The following KAZN variants were observed in gnomAD, a reference collection of about 807,000 sequenced individuals.
KAZN encodes kazrin.
In KAZN, 40 loss-of-function variants were observed where a neutral mutation model predicts 87.4. The ratio of observed to expected loss-of-function variants is 0.46; its 90% CI spans 0.36 to 0.60. The LOEUF is 0.60. KAZN is among the 20% of genes least tolerant of loss of function. The pLI is 0.00. For missense variants in KAZN, 898 were observed against 1,073.9 expected (o/e 0.84, Z 2.29); for synonymous variants, 466 against 458.3 (o/e 1.02, Z -0.22).
chr1:13,955,726 A>G (rs1320872715), intron 1 of KAZN, among the ~76,000 whole-genome samples: 1 of 152,206 alleles, frequency 6.6e-6, no homozygotes, highest in Non-Finnish European at 1.5e-5. Flanking sequence ...AAAATTCTCT[A>G]CTATTAGATC....
intron 8 of KAZN, among the ~76,000 whole-genome samples, chr1:15,088,883 C>A (rs970881259): frequency 2.0e-5 from 3 of 151,968 alleles, no homozygotes; most frequent in South Asian, 2.1e-4. Context: ...ATTCCTAGGG[C>A]CTGGACTCCA....
intron 8 of KAZN, among the ~76,000 whole-genome samples, chr1:15,084,401 C>T (rs534342323): frequency 1.1e-4 from 16 of 152,304 alleles, no homozygotes; most frequent in African/African-American, 3.9e-4. Context: ...GAAGGGCCTC[C>T]CTCTACAAAA....
chr1:15,101,084 G>A (rs1037659106), intron 10 of KAZN, among the ~76,000 whole-genome samples: 28 of 152,072 alleles, frequency 1.8e-4, no homozygotes, highest in African/African-American at 4.6e-4. Context: ...CCCTCGCTGC[G>A]TCTGAGTGTG....
At chr1:14,970,091 G>A (rs558659069) in intron 2 of KAZN, among the ~76,000 whole-genome samples, 5 of 152,288 alleles carry the variant, frequency 3.3e-5, no homozygotes, top group African/African-American at 1.2e-4. Flanking sequence ...TGGGATTATA[G>A]GCATGAGCCA....
intron 1 of KAZN, among the ~76,000 whole-genome samples, chr1:14,681,858 ATTT>A (rs1425588313): frequency 6.7e-6 from 1 of 149,120 alleles, no homozygotes; most frequent in Non-Finnish European, 1.5e-5. Flanking sequence ...CACCCAGCTA[ATTT>A]TTTGTATTTT....
intron 1 of KAZN, among the ~76,000 whole-genome samples, chr1:14,685,791 T>C (rs1640918306): frequency 6.6e-6 from 1 of 152,232 alleles, no homozygotes; most frequent in African/African-American, 2.4e-5. Context: ...GAAAGAGTAG[T>C]TGTTTCTCAC....
chr1:14,414,646 T>A (rs150280561), intron 2 of KAZN, among the ~76,000 whole-genome samples: 1 of 152,252 alleles, frequency 6.6e-6, no homozygotes. Flanking sequence ...GTGTGTGTTA[T>A]ACGTATGTAG....
At chr1:14,806,436 T>C (rs1646224984) in intron 1 of KAZN, among the ~76,000 whole-genome samples, 1 of 152,202 alleles carries the variant, frequency 6.6e-6, no homozygotes, top group Non-Finnish European at 1.5e-5. Context: ...GAATTATGCT[T>C]GAAGCCAATC....
At chr1:15,095,336 C>T (rs1445190985) in intron 10 of KAZN, among the ~76,000 whole-genome samples, 5 of 152,178 alleles carry the variant, frequency 3.3e-5, no homozygotes, top group South Asian at 2.1e-4. Flanking sequence ...AAGGCAGAGC[C>T]GAGGCAGGCA....
At chr1:14,876,729 C>T (rs763376868) in intron 1 of KAZN, among the ~76,000 whole-genome samples, 7 of 152,170 alleles carry the variant, frequency 4.6e-5, no homozygotes, top group Admixed American at 2.0e-4. Context: ...GAGTAATCTA[C>T]GTAAAACACT....
intron 1 of KAZN, among the ~76,000 whole-genome samples, chr1:14,670,470 G>A (rs557496172): frequency 1.6e-4 from 24 of 152,304 alleles, no homozygotes; most frequent in African/African-American, 5.8e-4. Flanking sequence ...CACTGCTCCA[G>A]GGGCTACACT....
chr1:14,967,828 G>A (rs759314313), intron 2 of KAZN, among the ~76,000 whole-genome samples: 11 of 152,178 alleles, frequency 7.2e-5, no homozygotes, highest in Non-Finnish European at 1.0e-4. Context: ...CAACACCAGG[G>A]TTTTAGCCCG....
intron 1 of KAZN, among the ~76,000 whole-genome samples, chr1:14,000,762 C>T (rs1639749095): frequency 6.6e-6 from 1 of 152,076 alleles, no homozygotes; most frequent in African/African-American, 2.4e-5. Context: ...GTCAAATTGT[C>T]TCTGTTTGCA....
At chr1:13,968,656 G>A (rs572099166) in intron 1 of KAZN, among the ~76,000 whole-genome samples, 9 of 152,308 alleles carry the variant, frequency 5.9e-5, no homozygotes, top group South Asian at 4.1e-4. Context: ...ATCCTTTCAC[G>A]TGACCTTTCA....
chr1:13,913,118 CACTT>C (rs1460670203), intron 1 of KAZN, among the ~76,000 whole-genome samples: 4 of 152,056 alleles, frequency 2.6e-5, no homozygotes, highest in Non-Finnish European at 5.9e-5. Flanking sequence ...CTGCAAGAGA[CACTT>C]ACTAAGCATC....
intron 2 of KAZN, among the ~76,000 whole-genome samples, chr1:14,469,530 G>A (rs1009586407): frequency 1.3e-5 from 2 of 152,238 alleles, no homozygotes; most frequent in Admixed American, 6.5e-5. Flanking sequence ...AAGAAAATTG[G>A]GCAGTTTATC....
intron 1 of KAZN, among the ~76,000 whole-genome samples, chr1:13,923,371 A>G (rs1311744305): frequency 2.0e-5 from 3 of 152,074 alleles, no homozygotes; most frequent in African/African-American, 7.2e-5. Flanking sequence ...CAGGAGATTG[A>G]GACCATCCTG....
intron 2 of KAZN, among the ~76,000 whole-genome samples, chr1:14,300,654 A>G (rs939452215): frequency 6.6e-6 from 1 of 152,244 alleles, no homozygotes; most frequent in African/African-American, 2.4e-5. Context: ...TAGGAAGCAC[A>G]CTGCACATGA....
At chr1:14,419,146 C>A (rs1665120513) in intron 2 of KAZN, among the ~76,000 whole-genome samples, 1 of 152,178 alleles carries the variant, frequency 6.6e-6, no homozygotes, top group Non-Finnish European at 1.5e-5. Context: ...AACTTCTATG[C>A]CAGCATAAAC....
Sources: gnomAD v4.1 joint callset for allele counts (sites outside exome capture counted in the v4.1 genomes callset) on GRCh38, gnomAD v4.1.1 for gene constraint, MANE v1.5 for transcripts, NCBI Gene and HGNC (gene_info 2026-07-23, HGNC 2026-07-21) for gene names.